PTPRG: variants seen among roughly 807,000 people sequenced by gnomAD.
PTPRG encodes protein tyrosine phosphatase receptor type G.
In PTPRG, 102 loss-of-function variants were observed where a neutral mutation model predicts 165.3. That is an observed-to-expected ratio of 0.62 (90% CI 0.53 to 0.73). The LOEUF (loss-of-function observed/expected upper bound fraction) is 0.73, where lower values mean the gene tolerates loss of function less well. PTPRG is among the 30% of genes least tolerant of loss of function. The probability of loss-of-function intolerance (pLI) is 0.00; values close to 1 mark genes in which losing one functional copy is unlikely to be tolerated. For missense variants in PTPRG, 1,866 were observed against 1,861.4 expected, an observed-to-expected ratio of 1.00 and a Z score of -0.05; for synonymous variants, 675 against 669.5, an observed-to-expected ratio of 1.01 and a Z score of -0.13.
chr3:61,707,611 G>T (rs2031328923), intron 1 of PTPRG, among the ~76,000 whole-genome samples: 1 of 152,142 alleles, frequency 6.6e-6, no homozygotes, highest in Non-Finnish European at 1.5e-5. Flanking sequence ...CCCACATTAG[G>T]GAGGGCAATG....
At chr3:62,242,273 GA>G (rs1395187916) in intron 14 of PTPRG, among the ~76,000 whole-genome samples, 2 of 152,158 alleles carry the variant, frequency 1.3e-5, no homozygotes, top group Non-Finnish European at 2.9e-5. Flanking sequence ...AAAGAGTGAT[GA>G]AAACTTGTTT....
At chr3:62,251,152 A>G (rs1461120433) in intron 15 of PTPRG, among the ~76,000 whole-genome samples, 1 of 152,196 alleles carries the variant, frequency 6.6e-6, no homozygotes, top group Non-Finnish European at 1.5e-5. Context: ...GTGCTTTGGG[A>G]GGCAGAGGCA....
chr3:61,778,521 C>G (rs1320819186), intron 2 of PTPRG, among the ~76,000 whole-genome samples: 1 of 152,048 alleles, frequency 6.6e-6, no homozygotes, highest in Non-Finnish European at 1.5e-5. Flanking sequence ...TACTTAGGCC[C>G]GGAACGTTGG....
At chr3:62,166,745 A>C (rs1002869822) in intron 7 of PTPRG, among the ~76,000 whole-genome samples, 12 of 152,088 alleles carry the variant, frequency 7.9e-5, no homozygotes, top group African/African-American at 2.9e-4. Flanking sequence ...ACTGGAGTGC[A>C]TGGTGCAATC....
intron 2 of PTPRG, among the ~76,000 whole-genome samples, chr3:61,963,304 G>C (rs758924654): frequency 1.3e-5 from 2 of 151,438 alleles, no homozygotes; most frequent in Non-Finnish European, 2.9e-5. Flanking sequence ...CCCCAAAAAG[G>C]GTAAAAATCA....
chr3:62,226,872 A>G (rs530524319), intron 13 of PTPRG, among the ~76,000 whole-genome samples: 123 of 152,330 alleles, frequency 8.1e-4, no homozygotes, highest in African/African-American at 2.7e-3. Flanking sequence ...TCTAAGTCCC[A>G]TCTTTAGATT....
intron 1 of PTPRG, among the ~76,000 whole-genome samples, chr3:61,718,212 C>T (rs901178905): frequency 1.8e-5 from 2 of 110,044 alleles, no homozygotes; most frequent in African/African-American, 3.2e-5. Context: ...AAAACAAAAA[C>T]CAAAAAAAAA....
Position 62,195,033 on chromosome 3 carries a change from C to T in PTPRG, c.1219-29C>T. On this transcript the variant is annotated intron_variant, in intron 9 of 29. Coordinates refer to ENST00000474889, the MANE Select transcript of PTPRG (RefSeq NM_002841.4). The surrounding 1 kb of genome is among the most constrained non-coding windows in gnomAD (Gnocchi z 4.4). ...AGTGTGCCTTGGCCTTCAAAACTAA[C>T]TCACTGCTTTTTCCTTCTTTACTTA... is the stretch of plus-strand genomic sequence containing the variant. 1 of 1,605,718 alleles carries T rather than the reference C, an allele frequency of 6.2e-7. No individual in the cohort carries two copies. Among genetic ancestry groups the T allele is most frequent in the Non-Finnish European group, 8.5e-7 (1 of 1,172,392 alleles).
At chr3:61,766,617 A>AT (rs71629142) in intron 2 of PTPRG, among the ~76,000 whole-genome samples, 373 of 109,770 alleles carry the variant, frequency 3.4e-3, no homozygotes, top group African/African-American at 9.5e-3. Context: ...GTTAAAAAAA[A>AT]TTTTTTTTTT....
intron 1 of PTPRG, among the ~76,000 whole-genome samples, chr3:61,726,469 T>C (rs938302008): frequency 6.6e-6 from 1 of 152,174 alleles, no homozygotes; most frequent in South Asian, 2.1e-4. Flanking sequence ...AATGGAAATA[T>C]ACTGCCATTA....
intron 2 of PTPRG, among the ~76,000 whole-genome samples, chr3:61,896,784 A>G (rs1211257840): frequency 1.3e-5 from 2 of 152,022 alleles, no homozygotes; most frequent in East Asian, 3.9e-4. Context: ...GTGATATCTC[A>G]TTGTAGTTTG....
chr3:62,100,653 A>T lies in PTPRG; in HGVS notation c.615+22395A>T, dbSNP rs187639096. 5.9e-5 allele frequency among the ~76,000 whole-genome samples: 9 copies of T among 152,344 alleles called. No individual in the cohort carries two copies. The East Asian group carries it at 1.5e-3, about 26-fold the overall frequency. Reference sequence around the variant, plus strand: ...CAGGAATGTATGATTTGAATTCTGGATCTCTCAGTTCCCATCTCTTAATTT... The same window carrying T: ...CAGGAATGTATGATTTGAATTCTGGTTCTCTCAGTTCCCATCTCTTAATTT... On this transcript the variant is annotated intron_variant, in intron 5 of 29. Coordinates refer to ENST00000474889, the MANE Select transcript of PTPRG (RefSeq NM_002841.4).
At chr3:61,590,625 T>G (rs1327246423) in intron 1 of PTPRG, among the ~76,000 whole-genome samples, 3 of 152,164 alleles carry the variant, frequency 2.0e-5, no homozygotes, top group Non-Finnish European at 2.9e-5. Context: ...TGCCCTAGAG[T>G]ATGAAGAGAT....
chr3:62,121,859 A>G (rs1190379591), intron 5 of PTPRG, among the ~76,000 whole-genome samples: 1 of 152,204 alleles, frequency 6.6e-6, no homozygotes, highest in Non-Finnish European at 1.5e-5. Flanking sequence ...GCTGGGAACA[A>G]ACTTTCTGGT....
In PTPRG at chr3:61,675,380, GA is replaced by G. The variant is rs1703185240; in HGVS notation, c.86-73497del. Among the ~76,000 whole-genome samples the G allele has an allele frequency of 2.0e-5, 3 of 152,274 alleles. No homozygotes were observed. The South Asian group carries it at 6.2e-4, about 32-fold the overall frequency. On this transcript the variant is annotated intron_variant, in intron 1 of 29. Transcript: ENST00000474889. ...TCATGGTTGAGGTTGTTTCATTTAT[GA>G]TACTAAATTATTTTAAGGACATGTT...
intron 4 of PTPRG, among the ~76,000 whole-genome samples, chr3:62,017,454 C>T (rs138398951): frequency 0.11 from 16,011 of 150,316 alleles, 1,078 homozygotes; most frequent in Middle Eastern, 0.23. Context: ...CTCGCTCTTT[C>T]GCCCAGGCTG....
At chr3:61,582,484 C>T (rs1193221758) in intron 1 of PTPRG, among the ~76,000 whole-genome samples, 2 of 152,136 alleles carry the variant, frequency 1.3e-5, no homozygotes, top group Non-Finnish European at 2.9e-5. Context: ...TGAGATAGAA[C>T]AATTTATCCG....
At chr3:61,849,439 A>G (rs2036897219) in intron 2 of PTPRG, among the ~76,000 whole-genome samples, 1 of 152,206 alleles carries the variant, frequency 6.6e-6, no homozygotes, top group African/African-American at 2.4e-5. Context: ...AAAGAGTGCT[A>G]TAGGATTCAA....
chr3:62,251,546 G>A (rs1701418948), intron 15 of PTPRG, among the ~76,000 whole-genome samples: 1 of 152,042 alleles, frequency 6.6e-6, no homozygotes, highest in African/African-American at 2.4e-5. Context: ...TGGGGTGGGA[G>A]GATCACTTGA....
Sources: gnomAD v4.1 joint callset for allele counts (sites outside exome capture counted in the v4.1 genomes callset) on GRCh38, gnomAD v4.1.1 for gene constraint, Gnocchi (gnomAD v3.1) non-coding constraint, MANE v1.5 for transcripts, NCBI Gene and HGNC (gene_info 2026-07-23, HGNC 2026-07-21) for gene names.